RHBDL2: variants seen among roughly 807,000 people sequenced by gnomAD.
RHBDL2 encodes the protein rhomboid like 2.
A neutral mutation model predicts 31.7 loss-of-function variants in RHBDL2; 26 were observed. The observed-to-expected ratio is 0.82, with a 90% CI of 0.60 to 1.14. RHBDL2 has a LOEUF of 1.14. RHBDL2 is among the 50% of genes most tolerant of loss of function. RHBDL2 has a pLI of 0.00. For synonymous variants in RHBDL2, 123 were observed against 127.2 expected, an observed-to-expected ratio of 0.97 and a Z score of 0.22; for missense variants, 336 against 364.4, an observed-to-expected ratio of 0.92 and a Z score of 0.63.
chr1:38,890,769 G>A (rs745933687), intron 6 of RHBDL2, among the ~76,000 whole-genome samples: 17 of 150,862 alleles, frequency 1.1e-4, no homozygotes, highest in Admixed American at 2.6e-4. Flanking sequence ...GCATGTTCAC[G>A]GCTCACTGCA....
chr1:38,890,803 G>A (rs941729167), intron 6 of RHBDL2, among the ~76,000 whole-genome samples: 3 of 151,260 alleles, frequency 2.0e-5, no homozygotes, highest in East Asian at 1.9e-4. Context: ...AGGCTCAAGC[G>A]AATTCTCCCA....
chr1:38,917,849 G>A (rs961942599), intron 2 of RHBDL2, among the ~76,000 whole-genome samples: 3 of 152,128 alleles, frequency 2.0e-5, no homozygotes, highest in Non-Finnish European at 2.9e-5. Context: ...CCAGACATTT[G>A]CTTAAACATT....
chr1:38,890,567 G>T (rs569339004), intron 6 of RHBDL2, among the ~76,000 whole-genome samples: 1 of 151,918 alleles, frequency 6.6e-6, no homozygotes, highest in Non-Finnish European at 1.5e-5. Flanking sequence ...GCTTCCTAGG[G>T]GACTTTTCTT....
intron 4 of RHBDL2, among the ~76,000 whole-genome samples, chr1:38,908,775 C>T (rs1643102684): frequency 6.6e-6 from 1 of 152,136 alleles, no homozygotes; most frequent in South Asian, 2.1e-4. Flanking sequence ...GTTTAGTAGT[C>T]TGTAGGTGGC....
At chr1:38,937,366 T>C (rs951460868) in intron 1 of RHBDL2, among the ~76,000 whole-genome samples, 5 of 152,188 alleles carry the variant, frequency 3.3e-5, no homozygotes, top group African/African-American at 9.7e-5. Flanking sequence ...CAGCATTCTC[T>C]AACTGTCCTT....
intron 1 of RHBDL2, 29 bp from the exon 2 acceptor site, chr1:38,919,366 T>C (rs1407249094): frequency 1.3e-6 from 2 of 1,530,922 alleles, no homozygotes; most frequent in Non-Finnish European, 1.7e-6. Context: ...CAGCTGAAGA[T>C]GATCAAAATG....
At chr1:38,926,046 G>C (rs1418833140) in intron 1 of RHBDL2, 1 of 1,252,820 alleles carries the variant, frequency 8.0e-7, no homozygotes, top group Non-Finnish European at 1.0e-6. Context: ...GTTTTCTTGG[G>C]GAATTTATCT....
intron 2 of RHBDL2, among the ~76,000 whole-genome samples, chr1:38,916,104 A>G (rs1188851253): frequency 6.6e-6 from 1 of 152,240 alleles, no homozygotes; most frequent in African/African-American, 2.4e-5. Context: ...TCCGAATAAT[A>G]GAGCAGGGAA....
chr1:38,886,669 A>C lies in RHBDL2; in HGVS notation c.747T>G (p.Ala249=). ...PEDGSPVSFA[A]HIAGGFAGMS... Reference sequence around the variant, plus strand: ...TTCCAGCAAATCCACCTGCAATGTGAGCTGCAAAAGACACCTTGGGAGAAA... The same window carrying C: ...TTCCAGCAAATCCACCTGCAATGTGCGCTGCAAAAGACACCTTGGGAGAAA... Residue 249 remains alanine, a synonymous_variant, in exon 8 of 8, where the codon GCT becomes GCG. Coordinates refer to ENST00000372990, the MANE Select transcript of RHBDL2 (RefSeq NM_017821.5). 1.3e-6 allele frequency: 2 copies of C among 1,558,474 alleles called. No homozygotes were observed. Among genetic ancestry groups the C allele is most frequent in the Non-Finnish European group, 8.7e-7 (1 of 1,147,372 alleles).
At chr1:38,893,658 T>G (rs1642880587) in intron 5 of RHBDL2, among the ~76,000 whole-genome samples, 1 of 152,032 alleles carries the variant, frequency 6.6e-6, no homozygotes, top group Admixed American at 6.6e-5. Flanking sequence ...TACCTTAATT[T>G]TTGAGGTAAT....
chr1:38,899,994 C>G lies in RHBDL2; in HGVS notation c.509-3925G>C, dbSNP rs562517213. Among the ~76,000 whole-genome samples, 17 of 152,268 alleles carry G rather than the reference C, an allele frequency of 1.1e-4. 1 individual carries two copies. In the East Asian group the frequency reaches 2.3e-3, roughly 21 times the overall value. ...CCTGCAAGCAGTGTGGGGATGTGTA[C>G]TGGAAAATGCCATAATTAATGGGGC... On this transcript the variant is annotated intron_variant, in intron 4 of 7. Transcript: ENST00000372990.
At chr1:38,902,363 G>T (rs1643003709) in intron 4 of RHBDL2, among the ~76,000 whole-genome samples, 1 of 149,024 alleles carries the variant, frequency 6.7e-6, no homozygotes, top group Non-Finnish European at 1.5e-5. Flanking sequence ...GCACCACCAA[G>T]CTAATTTTTG....
chr1:38,896,016 C>T lies in RHBDL2; in HGVS notation c.562G>A (p.Gly188Arg). ...CCTCCCATCAGAGCATAGACTCCTC[C>T]TGAAGCTCCCACAAGATATCTGAGT... is the stretch of plus-strand genomic sequence containing the variant. Reference protein sequence around the residue: ...DPLRYLVGASGGVYALMGGYF... With the variant: ...DPLRYLVGASRGVYALMGGYF... The change falls in exon 5 of 8, where the codon GGA becomes AGA. Residue 188 changes from glycine to arginine, a missense_variant. Transcript: ENST00000372990. The T allele has an allele frequency of 6.2e-7, 1 of 1,614,016 alleles. No individual in the cohort carries two copies.
intron 6 of RHBDL2, among the ~76,000 whole-genome samples, chr1:38,890,408 A>G (rs1022097490): frequency 2.0e-5 from 3 of 152,236 alleles, no homozygotes; most frequent in African/African-American, 7.2e-5. Flanking sequence ...ACACTGCCAC[A>G]TAACTGGAAA....
intron 4 of RHBDL2, among the ~76,000 whole-genome samples, chr1:38,900,769 C>T (rs1184472559): frequency 4.6e-5 from 7 of 151,898 alleles, no homozygotes; most frequent in African/African-American, 1.7e-4. Flanking sequence ...AAGCATTGGC[C>T]GGGCAAAGTG....
chr1:38,925,315 T>C (rs931656975), intron 1 of RHBDL2, among the ~76,000 whole-genome samples: 2 of 151,802 alleles, frequency 1.3e-5, no homozygotes, highest in African/African-American at 4.8e-5. Context: ...CTGACCAACA[T>C]GGTGAAACCC....
chr1:38,891,897 C>T lies in RHBDL2; in HGVS notation c.670+1267G>A, dbSNP rs867613903. Among the ~76,000 whole-genome samples, 26 of 152,326 alleles carry T rather than the reference C, an allele frequency of 1.7e-4. 1 individual carries two copies. The Middle Eastern group carries it at 0.027, about 159-fold the overall frequency. Reference sequence around the variant, plus strand: ...TGGCTTTCAGGTCTGACCCCAGGGTCTGTCATTCTTCCACAGCCCTCCAGG... The same window carrying T: ...TGGCTTTCAGGTCTGACCCCAGGGTTTGTCATTCTTCCACAGCCCTCCAGG... On this transcript the variant is annotated intron_variant, in intron 6 of 7. Coordinates refer to ENST00000372990, the MANE Select transcript of RHBDL2 (RefSeq NM_017821.5).
intron 1 of RHBDL2, chr1:38,929,378 G>A (rs372142622): frequency 1.6e-6 from 2 of 1,285,044 alleles, no homozygotes; most frequent in Admixed American, 2.3e-5. Context: ...GAAGCCAGAG[G>A]ACTAAATCAG....
chr1:38,920,676 G>A (rs570104993), intron 1 of RHBDL2, among the ~76,000 whole-genome samples: 32 of 146,470 alleles, frequency 2.2e-4, no homozygotes, highest in African/African-American at 7.1e-4. Flanking sequence ...GTGTGATCTC[G>A]GCTCACTGCA....
Sources: gnomAD v4.1 joint callset for allele counts (sites outside exome capture counted in the v4.1 genomes callset) on GRCh38, gnomAD v4.1.1 for gene constraint, MANE v1.5 for transcripts, NCBI Gene and HGNC (gene_info 2026-07-23, HGNC 2026-07-21) for gene names.